The following SLC29A4 variants were observed in gnomAD, a reference collection of about 807,000 sequenced individuals.
The protein encoded by SLC29A4 is equilibrative nucleoside transporter 4.
In SLC29A4, 36 loss-of-function variants were observed where a neutral mutation model predicts 43.9. The ratio of observed to expected loss-of-function variants is 0.82; its 90% confidence interval spans 0.63 to 1.08. The LOEUF is 1.08. Among genes scored for constraint, SLC29A4 ranks in the 50% least tolerant of loss-of-function variants. SLC29A4 has a pLI of 0.00. For missense variants in SLC29A4, 869 were observed against 755.3 expected (o/e 1.15, Z -1.77); for synonymous variants, 491 against 338.0 (o/e 1.45, Z -4.97).
At chr7:5,299,760 C>G (rs62441140) in intron 9 of SLC29A4, among the ~76,000 whole-genome samples, 5 of 152,106 alleles carry the variant, frequency 3.3e-5, no homozygotes, top group Non-Finnish European at 7.4e-5. Context: ...AGAAATGGCT[C>G]AAAGAAATGG....
Position 5,303,155 on chromosome 7 carries a change from T to G in SLC29A4, c.*216T>G. On this transcript the variant is annotated 3_prime_UTR_variant, in exon 11 of 11. Coordinates refer to ENST00000396872, the MANE Select transcript of SLC29A4 (RefSeq NM_153247.4). ...AACACGTTTCTGCGACCCGGGGCTC[T>G]GGCCAGCACTGTGTTCTGCGTTTGG... 1.6e-6 allele frequency: 1 copy of G among 613,548 alleles called. No individual in the cohort carries two copies. Among genetic ancestry groups the G allele is most frequent in the South Asian group, 2.0e-5 (1 of 49,676 alleles). The allele number at this position is 613,548 out of a possible 1,614,324, so 38.0% of individuals were successfully genotyped here. A position where few individuals can be genotyped will look rare whatever the true frequency, so the allele number is the denominator to read the frequency against.
intron 5 of SLC29A4, among the ~76,000 whole-genome samples, chr7:5,293,612 C>G (rs183483057): frequency 6.6e-6 from 1 of 152,148 alleles, no homozygotes; most frequent in Non-Finnish European, 1.5e-5. Context: ...TACTACTGTT[C>G]TGTTTTGTTA....
In SLC29A4 at chr7:5,291,788, G is replaced by T. The variant is rs776507694; in HGVS notation, c.511G>T (p.Ala171Ser). 6 of 1,611,666 alleles carry T rather than the reference G, an allele frequency of 3.7e-6. No homozygotes were observed. The Admixed American group carries it at 1.0e-4, about 27-fold the overall frequency. The change falls in exon 5 of 11, where the codon GCC (alanine) becomes TCC (serine). Residue 171 changes from alanine (A) to serine (S), a missense_variant. Transcript: ENST00000396872. ...SRDQAYAINL[A>S]AVGTVAFGCT... Reference sequence around the variant, plus strand: ...GGACCAGGCCTACGCCATCAACCTGGCCGCTGTGGGCACCGTGGCCTTCGG... The same window carrying T: ...GGACCAGGCCTACGCCATCAACCTGTCCGCTGTGGGCACCGTGGCCTTCGG...
chr7:5,295,921 C>T (rs1785620436), intron 6 of SLC29A4, among the ~76,000 whole-genome samples: 2 of 149,996 alleles, frequency 1.3e-5, no homozygotes, highest in South Asian at 2.3e-4. Flanking sequence ...GAGCCCTGTC[C>T]ACCCTCACGG....
rs150980496 is a variant in SLC29A4, at chr7:5,300,453, G to A, written c.1241G>A (p.Gly414Asp). ...GCAGCCCTGCCCGTGGACTGGCGGG[G>A]CACCCACCTGCTGGCCTGCTCCTGC... is the stretch of plus-strand genomic sequence containing the variant. ...ILAALPVDWR[G>D]THLLACSCLR... Residue 414 changes from glycine (G) to aspartate (D), a missense_variant, in exon 10 of 11, where the codon GGC becomes GAC. Transcript: ENST00000396872. 6.0e-5 allele frequency: 97 copies of A among 1,611,252 alleles called. No individual in the cohort carries two copies. In the African/African-American group the frequency reaches 1.2e-3, roughly 20 times the overall value.
rs552193674 is a variant in SLC29A4, at chr7:5,297,127, G to A, written c.811G>A (p.Gly271Ser). ...YTTRPRDSHR[G>S]RPGLGRGYGY... ...CACACGGCCGCGTGACAGCCACCGG[G>A]GCAGGCCAGGCCTGGGCAGGGGCTA... is the stretch of plus-strand genomic sequence containing the variant. The change falls in exon 7 of 11, where the codon GGC becomes AGC. Residue 271 changes from glycine to serine, a missense_variant. By Grantham distance (56) the Gly-to-Ser change is moderately conservative. Transcript: ENST00000396872. 257 of 1,606,286 alleles carry A rather than the reference G, an allele frequency of 1.6e-4. 5 individuals carry two copies. The South Asian group carries it at 2.6e-3, about 16-fold the overall frequency.
chr7:5,300,675 G>A lies in SLC29A4; in HGVS notation c.1450+13G>A. On this transcript the variant is annotated intron_variant, in intron 10 of 10. Transcript: ENST00000396872. ...CGGGAGCTGGCAGGTGAGGCCCGCGGGACGTGGGGGTGGGGGCGTCCTCCC... is the reference window on the plus strand; with the variant it reads ...CGGGAGCTGGCAGGTGAGGCCCGCGAGACGTGGGGGTGGGGGCGTCCTCCC... The A allele has an allele frequency of 6.2e-7, 1 of 1,603,646 alleles. No individual in the cohort carries two copies. The highest frequency in any genetic ancestry group is 1.3e-5 in the African/African-American group (1 of 74,846).
chr7:5,299,387 T>C lies in SLC29A4; in HGVS notation c.1169T>C (p.Leu390Pro). The C allele has an allele frequency of 1.9e-6, 3 of 1,612,324 alleles. No homozygotes were observed. Among genetic ancestry groups the C allele is most frequent in the Non-Finnish European group, 2.5e-6 (3 of 1,179,798 alleles). Reference sequence around the variant, plus strand: ...ATCCTGGGCGAGTGGCTGCCCATCCTCATCATGGCTGTGTTCAACCTGTCA... The same window carrying C: ...ATCCTGGGCGAGTGGCTGCCCATCCCCATCATGGCTGTGTTCAACCTGTCA... ...HCILGEWLPI[L>P]IMAVFNLSDF... The change falls in exon 9 of 11, where the codon CTC becomes CCC. Residue 390 changes from leucine (L) to proline (P), a missense_variant. Leu to Pro is a moderately conservative substitution (Grantham distance 98, BLOSUM62 -3). Coordinates refer to ENST00000396872, the MANE Select transcript of SLC29A4 (RefSeq NM_153247.4).
intron 7 of SLC29A4, among the ~76,000 whole-genome samples, chr7:5,297,835 G>A (rs906950071): frequency 6.6e-5 from 10 of 152,296 alleles, no homozygotes; most frequent in South Asian, 2.1e-4. Flanking sequence ...CCCTGGCTCT[G>A]CTGGGCTTCC....
At chr7:5,286,988 T>C (rs563761652) in intron 1 of SLC29A4, among the ~76,000 whole-genome samples, 2 of 152,262 alleles carry the variant, frequency 1.3e-5, no homozygotes, top group East Asian at 3.9e-4. Context: ...ATTCCTCCAC[T>C]CCATCTATTT....
At chr7:5,289,853 G>C (rs1170046546) in intron 2 of SLC29A4, among the ~76,000 whole-genome samples, 1 of 152,040 alleles carries the variant, frequency 6.6e-6, no homozygotes, top group African/African-American at 2.4e-5. Flanking sequence ...GACAGGCAAA[G>C]GGTGTTCACT....
chr7:5,295,893 G>T (rs548731886), intron 6 of SLC29A4, among the ~76,000 whole-genome samples: 171 of 152,168 alleles, frequency 1.1e-3, no homozygotes, highest in African/African-American at 4.0e-3. Flanking sequence ...CAAGGGCCGC[G>T]CAGAAAAGAC....
intron 2 of SLC29A4, among the ~76,000 whole-genome samples, chr7:5,288,724 C>G (rs1483606046): frequency 6.6e-6 from 1 of 152,160 alleles, no homozygotes; most frequent in Non-Finnish European, 1.5e-5. Flanking sequence ...GTTCAAAGAC[C>G]TGGGTTTTCA....
rs1468479983 is a variant in SLC29A4, at chr7:5,283,503, C to T, written c.-9+421C>T. ...CCTCGGGACGGCCCAGGGGGTCTGT[C>T]CTTTGCCTGGGGGCGCAGGTCCGCG... On this transcript the variant is annotated intron_variant, in intron 1 of 10. Coordinates refer to ENST00000396872, the MANE Select transcript of SLC29A4 (RefSeq NM_153247.4). 3.3e-5 allele frequency among the ~76,000 whole-genome samples: 5 copies of T among 152,150 alleles called. No individual in the cohort carries two copies. The East Asian group carries it at 7.7e-4, about 24-fold the overall frequency.
intron 7 of SLC29A4, 68 bp downstream of exon 7, chr7:5,297,266 A>G: frequency 1.4e-6 from 2 of 1,437,772 alleles, no homozygotes; most frequent in African/African-American, 2.9e-5. Context: ...CTTCGTCGGG[A>G]AGTACCTGGG....
chr7:5,287,673 C>T (rs1785043854), intron 1 of SLC29A4, 136 bp from the exon 2 acceptor site: 8 of 817,592 alleles, frequency 9.8e-6, no homozygotes, highest in Non-Finnish European at 1.5e-5. Flanking sequence ...TGCAGTGAGG[C>T]ATAGCTTGCT....
chr7:5,287,920 A>C lies in SLC29A4; in HGVS notation c.104A>C (p.Glu35Ala). Residue 35 changes from glutamate (E) to alanine (A), a missense_variant, in exon 2 of 11, where the codon GAG (glutamate) becomes GCG (alanine). Glu to Ala is a moderately radical substitution (Grantham distance 107, BLOSUM62 -1). Coordinates refer to ENST00000396872, the MANE Select transcript of SLC29A4 (RefSeq NM_153247.4). Reference sequence around the variant, plus strand: ...ACCTTCGACAGTCACCAGCTGGAGGAGGCGGCGGAGGCGGCTCAGGGCCAG... The same window carrying C: ...ACCTTCGACAGTCACCAGCTGGAGGCGGCGGCGGAGGCGGCTCAGGGCCAG... ...SFTFDSHQLE[E>A]AAEAAQGQGL... The C allele has an allele frequency of 1.2e-6, 2 of 1,611,772 alleles. No individual in the cohort carries two copies. Among genetic ancestry groups the C allele is most frequent in the Non-Finnish European group, 1.7e-6 (2 of 1,179,758 alleles).
intron 7 of SLC29A4, 125 bp downstream of exon 7, chr7:5,297,323 G>A: frequency 8.9e-7 from 1 of 1,127,058 alleles, no homozygotes; most frequent in Non-Finnish European, 1.2e-6. Flanking sequence ...CTCCTGTGGT[G>A]GAGACTCCTT....
intron 4 of SLC29A4, 79 bp from the exon 5 acceptor site, chr7:5,291,614 C>T (rs1445167909): frequency 2.0e-6 from 3 of 1,503,196 alleles, no homozygotes; most frequent in Non-Finnish European, 2.7e-6. Context: ...CTCAGAGCGA[C>T]TCTGCAGGAG....
Sources: allele counts gnomAD v4.1 joint callset (sites outside exome capture counted in the v4.1 genomes callset), GRCh38; gene constraint gnomAD v4.1.1; transcripts MANE v1.5; gene names NCBI Gene and HGNC (gene_info 2026-07-23, HGNC 2026-07-21).